The following INSR variants were observed in gnomAD, a reference collection of about 807,000 sequenced individuals.
The protein encoded by INSR is insulin receptor.
INSR carries 67 observed loss-of-function variants against 142.6 expected under a neutral mutation model. That is an observed-to-expected ratio of 0.47 (90% CI 0.39 to 0.58). INSR has a LOEUF of 0.58. Ranked by LOEUF, INSR falls within the 20% of genes least tolerant of loss-of-function variation. INSR has a pLI of 0.00. For missense variants in INSR, 1,248 were observed against 1,833.2 expected (o/e 0.68, Z 5.83); for synonymous variants, 756 against 743.1 (o/e 1.02, Z -0.28).
intron 1 of INSR, chr19:7,268,396 A>G (rs1370958595): frequency 1.0e-6 from 1 of 980,856 alleles, no homozygotes; most frequent in African/African-American, 1.8e-5. Flanking sequence ...TGCAATCAAG[A>G]CCTAATTACC....
chr19:7,267,817 C>A lies in INSR; in HGVS notation c.180G>T (p.Leu60Phe). ...TCGTTTTGAACATCAAGAGTATCTGCAAGTGTCCTTCGATGACAGAGCAAT... is the reference window on the plus strand; with the variant it reads ...TCGTTTTGAACATCAAGAGTATCTGAAAGTGTCCTTCGATGACAGAGCAAT... ...LENCSVIEGH[L>F]QILLMFKTRP... The change falls in exon 2 of 22, where the codon TTG becomes TTT. Residue 60 changes from leucine to phenylalanine, a missense_variant. Coordinates refer to ENST00000302850, the MANE Select transcript of INSR (RefSeq NM_000208.4). This position sits in a 1 kb window ranked among gnomAD's most constrained non-coding sequence, Gnocchi z 6.3. The A allele has an allele frequency of 6.2e-7, 1 of 1,614,128 alleles. No individual in the cohort carries two copies. The highest frequency in any genetic ancestry group is 8.5e-7 in the Non-Finnish European group (1 of 1,179,982).
intron 2 of INSR, among the ~76,000 whole-genome samples, chr19:7,211,719 G>T (rs1335778952): frequency 1.3e-5 from 2 of 152,210 alleles, no homozygotes; most frequent in Non-Finnish European, 2.9e-5. Context: ...GTCAGGGCCG[G>T]CAGCCGCGGA....
At chr19:7,155,950 GA>G (rs1973579796) in intron 9 of INSR, among the ~76,000 whole-genome samples, 1 of 149,740 alleles carries the variant, frequency 6.7e-6, no homozygotes, top group Non-Finnish European at 1.5e-5. Flanking sequence ...GAAGAAGGAG[GA>G]GGAGAAGGAG....
At chr19:7,215,290 G>C (rs746112165) in intron 2 of INSR, among the ~76,000 whole-genome samples, 2 of 152,040 alleles carry the variant, frequency 1.3e-5, no homozygotes, top group Non-Finnish European at 2.9e-5. Flanking sequence ...AGGACACCAG[G>C]GAAGGTCACT....
At chr19:7,218,064 C>T (rs1196474363) in intron 2 of INSR, among the ~76,000 whole-genome samples, 2 of 152,088 alleles carry the variant, frequency 1.3e-5, no homozygotes, top group Non-Finnish European at 1.5e-5. Context: ...GAGTCCCTGC[C>T]TTGTGGCGGG....
chr19:7,281,355 CAG>C (rs1020542707), intron 1 of INSR, among the ~76,000 whole-genome samples: 40 of 147,148 alleles, frequency 2.7e-4, no homozygotes, highest in Admixed American at 7.4e-4. Flanking sequence ...CACACACACA[CAG>C]ACACATACAC....
intron 15 of INSR, among the ~76,000 whole-genome samples, chr19:7,127,094 C>T (rs1310882606): frequency 6.6e-6 from 1 of 152,104 alleles, no homozygotes; most frequent in African/African-American, 2.4e-5. Flanking sequence ...GACAGGGTCT[C>T]ACTATGTTGC....
intron 8 of INSR, among the ~76,000 whole-genome samples, chr19:7,165,532 G>A (rs190444773): frequency 5.3e-5 from 8 of 152,032 alleles, no homozygotes; most frequent in East Asian, 1.9e-4. Context: ...CTACTGCCTC[G>A]TCTGAAACTA....
At position 7,184,217 on chromosome 19, in the gene INSR, C is replaced by T. The variant is rs940754859; in HGVS notation, c.974+99G>A. The T allele has an allele frequency of 5.5e-6, 6 of 1,090,112 alleles. No homozygotes were observed. In the African/African-American group the frequency reaches 9.3e-5, roughly 17 times the overall value. The allele number at this position is 1,090,112 out of a possible 1,614,324, so 67.5% of individuals were successfully genotyped here. Reference sequence around the variant, plus strand: ...AGAGACCTCACTCATAGCCAATTAACCCTGGGTTTGCACACAGTTTTAACA... The same window carrying T: ...AGAGACCTCACTCATAGCCAATTAATCCTGGGTTTGCACACAGTTTTAACA... On this transcript the variant is annotated intron_variant, in intron 3 of 21. Transcript: ENST00000302850.
intron 8 of INSR, among the ~76,000 whole-genome samples, chr19:7,165,072 G>C (rs531102635): frequency 4.7e-4 from 71 of 152,246 alleles, no homozygotes; most frequent in African/African-American, 1.6e-3. Flanking sequence ...GTTACAGTGA[G>C]CTGAGATCAC....
intron 11 of INSR, among the ~76,000 whole-genome samples, chr19:7,144,118 G>C (rs1175988989): frequency 6.6e-6 from 1 of 151,544 alleles, no homozygotes; most frequent in Non-Finnish European, 1.5e-5. Flanking sequence ...TGCTTCCTTT[G>C]GACAATTTTT....
At chr19:7,171,367 C>G (rs1397751074) in intron 5 of INSR, among the ~76,000 whole-genome samples, 1 of 152,120 alleles carries the variant, frequency 6.6e-6, no homozygotes, top group Non-Finnish European at 1.5e-5. Flanking sequence ...CCTTTTGTCC[C>G]TTTCCCCATT....
intron 1 of INSR, among the ~76,000 whole-genome samples, chr19:7,282,552 C>T (rs1349999435): frequency 6.8e-6 from 1 of 146,104 alleles, no homozygotes; most frequent in Non-Finnish European, 1.5e-5. Flanking sequence ...CGTGGTGGCA[C>T]ATGCCTGTAG....
At chr19:7,184,225 T>A (rs1974354633) in intron 3 of INSR, 91 bp downstream of exon 3, 1 of 1,160,074 alleles carries the variant, frequency 8.6e-7, no homozygotes, top group African/African-American at 1.5e-5. Context: ...AACCCTGGGT[T>A]TGCACACAGT....
intron 2 of INSR, among the ~76,000 whole-genome samples, chr19:7,218,857 G>C (rs1351637432): frequency 1.3e-5 from 2 of 152,070 alleles, no homozygotes; most frequent in African/African-American, 4.8e-5. Flanking sequence ...CCTGTTGTTT[G>C]AGCAAAGATA....
At chr19:7,207,799 A>C (rs573707383) in intron 2 of INSR, among the ~76,000 whole-genome samples, 3 of 152,068 alleles carry the variant, frequency 2.0e-5, no homozygotes, top group Admixed American at 6.6e-5. Context: ...AGGCAGGAGG[A>C]TCACTTGAGC....
intron 2 of INSR, among the ~76,000 whole-genome samples, chr19:7,185,841 CAAAAAA>C (rs754262409): frequency 2.2e-5 from 1 of 45,046 alleles, no homozygotes. Flanking sequence ...AAAATTCTGT[CAAAAAA>C]AAAAAAAAAA....
At chr19:7,130,168 C>T (rs1003069329) in intron 14 of INSR, among the ~76,000 whole-genome samples, 1 of 152,178 alleles carries the variant, frequency 6.6e-6, no homozygotes, top group African/African-American at 2.4e-5. Context: ...TGAGGAAGTG[C>T]AGGATTGCCA....
rs751088568 is a variant in INSR at position 7,184,486 on chromosome 19, G to A, written c.804C>T (p.Cys268=). 2 of 1,613,824 alleles carry A rather than the reference G, an allele frequency of 1.2e-6. No individual in the cohort carries two copies. Among genetic ancestry groups the A allele is most frequent in the South Asian group, 1.1e-5 (1 of 91,088 alleles). The change falls in exon 3 of 22, where the codon TGC becomes TGT. Residue 268 remains cysteine (C), a synonymous_variant. Transcript: ENST00000302850. ...CCTGGAAGTGGTAGTACGGGGGCGG[G>A]CAGGTCTCCACACACCTGCCGTCCA... The part of the protein sequence containing the change: ...FYLDGRCVET[C]PPPYYHFQDW...
Sources: gnomAD v4.1 joint callset for allele counts (sites outside exome capture counted in the v4.1 genomes callset) on GRCh38, gnomAD v4.1.1 for gene constraint, Gnocchi (gnomAD v3.1) non-coding constraint, MANE v1.5 for transcripts, NCBI Gene and HGNC (gene_info 2026-07-23, HGNC 2026-07-21) for gene names.